Variants in KERA observed in about 807,000 individuals in gnomAD.
KERA encodes keratocan, also known as keratan sulfate proteoglycan keratocan.
In KERA, 25 loss-of-function variants were observed where a neutral mutation model predicts 26.4. That is an observed-to-expected ratio of 0.95 (90% CI 0.69 to 1.32). The LOEUF (loss-of-function observed/expected upper bound fraction) is 1.32. Among genes scored for constraint, KERA ranks in the 40% most tolerant of loss-of-function variants. The probability of loss-of-function intolerance (pLI) is 0.00; values close to 1 mark genes in which losing one functional copy is unlikely to be tolerated. For missense variants in KERA, 434 were observed against 408.9 expected, an observed-to-expected ratio of 1.06 and a Z score of -0.53; for synonymous variants, 167 against 146.1, an observed-to-expected ratio of 1.14 and a Z score of -1.03.
Position 91,051,406 on chromosome 12 carries a change from T to C in KERA, c.999A>G (p.Lys333=). ...RYLRLDGNEI[K]PPIPMALMTC... is the part of the protein sequence containing the mutation. ...TCATTAAAGCCATTGGAATTGGTGG[T>C]TTGATTTCATTTCCATCCAGACGGA... The change falls in exon 3 of 3, where the codon AAA becomes AAG. Residue 333 remains lysine, a synonymous_variant. Transcript: ENST00000266719. The C allele has an allele frequency of 6.2e-7, 1 of 1,611,380 alleles. No individual in the cohort carries two copies. The highest frequency in any genetic ancestry group is 8.5e-7 in the Non-Finnish European group (1 of 1,178,196).
At chr12:91,057,390 A>G (rs1181003812) in intron 1 of KERA, among the ~76,000 whole-genome samples, 2 of 141,864 alleles carry the variant, frequency 1.4e-5, no homozygotes, top group Admixed American at 1.4e-4. Context: ...ATATATATAT[A>G]TATCAGTAAC....
intron 2 of KERA, among the ~76,000 whole-genome samples, chr12:91,052,989 T>G (rs2120955550): frequency 6.6e-6 from 1 of 151,644 alleles, no homozygotes; most frequent in South Asian, 2.1e-4. Flanking sequence ...TTACCTAATC[T>G]TAAATCCCTG....
chr12:91,055,123 G>C (rs1878958639), intron 2 of KERA, among the ~76,000 whole-genome samples: 1 of 151,130 alleles, frequency 6.6e-6, no homozygotes, highest in South Asian at 2.1e-4. Flanking sequence ...AGTAAAAGAA[G>C]ATAGAGGCAT....
rs1341418310 is a variant in KERA, at chr12:91,055,823, C to G, written c.459G>C (p.Lys153Asn). 1.9e-6 allele frequency: 3 copies of G among 1,611,292 alleles called. No homozygotes were observed. Among genetic ancestry groups the G allele is most frequent in the Non-Finnish European group, 1.7e-6 (2 of 1,178,218 alleles). Residue 153 changes from lysine to asparagine, a missense_variant, in exon 2 of 3, where the codon AAG (lysine) becomes AAC (asparagine). Transcript: ENST00000266719. ...AGGTCCCTTGAGGAATTCTGGACAC[C>G]TTATTTCTAGCTAATTGTAATTGTT... is the stretch of plus-strand genomic sequence containing the variant. ...SLEQLQLARN[K>N]VSRIPQGTFS...
chr12:91,051,847 T>G (rs1878875559), intron 2 of KERA, among the ~76,000 whole-genome samples: 2 of 151,494 alleles, frequency 1.3e-5, no homozygotes. Context: ...TAAAGCACAT[T>G]TAGATTGCTG....
In KERA at chr12:91,051,458, A is replaced by G. The variant is rs369122849; in HGVS notation, c.947T>C (p.Phe316Ser). Residue 316 changes from phenylalanine (F) to serine (S), a missense_variant, in exon 3 of 3, where the codon TTC becomes TCC. Physicochemically the swap from Phe to Ser is radical, Grantham distance 155. Transcript: ENST00000266719. Reference sequence around the variant, plus strand: ...GTAGCGAAGATGAGGTCCATAACTGAAGGAATCTCGTTCTGCAGGCAGCAT... The same window carrying G: ...GTAGCGAAGATGAGGTCCATAACTGGAGGAATCTCGTTCTGCAGGCAGCAT... ...PSMLPAERDS[F>S]SYGPHLRYLR... is the part of the protein sequence containing the mutation. The G allele has an allele frequency of 2.0e-5, 33 of 1,610,854 alleles. No individual in the cohort carries two copies. Among genetic ancestry groups the G allele is most frequent in the Non-Finnish European group, 2.8e-5 (33 of 1,177,888 alleles).
rs1465915006 is a variant in KERA, at chr12:91,055,882, C to A, written c.400G>T (p.Glu134Ter). ...CTTGGCAATGGAGAAGGTACCTCCT[C>A]TAGCTCATTATCTTCCAGAAATAAG... is the stretch of plus-strand genomic sequence containing the variant. ...LFLFLEDNEL[E>*]EVPSPLPRSL... The change falls in exon 2 of 3, where the codon GAG (glutamate) becomes TAG (stop). Residue 134 changes from glutamate (E) to a stop codon, truncating the protein, a stop_gained. Coordinates refer to ENST00000266719, the MANE Select transcript of KERA (RefSeq NM_007035.4). LOFTEE classifies it high-confidence loss of function. 2.5e-6 allele frequency: 4 copies of A among 1,611,302 alleles called. No individual in the cohort carries two copies. In the South Asian group the frequency reaches 4.4e-5, roughly 18 times the overall value.
Position 91,055,939 on chromosome 12 carries a change from C to T in KERA, c.343G>A (p.Gly115Arg), listed in dbSNP as rs1274533478. The change falls in exon 2 of 3, where the codon GGA (glycine) becomes AGA (arginine). Residue 115 changes from glycine to arginine, a missense_variant. Physicochemically the swap from Gly to Arg is moderately radical, Grantham distance 125. Coordinates refer to ENST00000266719, the MANE Select transcript of KERA (RefSeq NM_007035.4). ...AACTTCTTCAGCTGGCTTAGGGCTC[C>T]TTTTTCAATTCCGTAGTTGGTTATT... is the stretch of plus-strand genomic sequence containing the variant. ...NKITNYGIEK[G>R]ALSQLKKLLF... 1.9e-6 allele frequency: 3 copies of T among 1,611,132 alleles called. No individual in the cohort carries two copies. Among genetic ancestry groups the T allele is most frequent in the African/African-American group, 1.3e-5 (1 of 74,734 alleles).
chr12:91,054,886 C>A (rs551218909), intron 2 of KERA, among the ~76,000 whole-genome samples: 3 of 151,318 alleles, frequency 2.0e-5, no homozygotes, highest in Admixed American at 6.6e-5. Context: ...GAGTCACCAG[C>A]CTTTACACAC....
At chr12:91,055,285 A>G (rs1878963589) in intron 2 of KERA, 111 bp downstream of exon 2, 1 of 966,882 alleles carries the variant, frequency 1.0e-6, no homozygotes, top group Admixed American at 2.1e-5. Context: ...AAAAATCTAA[A>G]GGAACATTAG....
intron 2 of KERA, 146 bp downstream of exon 2, chr12:91,055,250 T>G (rs984256851): frequency 1.3e-6 from 1 of 749,608 alleles, no homozygotes; most frequent in African/African-American, 1.8e-5. Flanking sequence ...AGACAAAATT[T>G]AATACTGAAA....
rs1565745934 is a variant in KERA at position 91,056,290 on chromosome 12, C to T, written c.-8-1G>A. On this transcript the variant is annotated splice_acceptor_variant, in intron 1 of 2. Transcript: ENST00000266719. LOFTEE classifies it low-confidence loss of function (5UTR_SPLICE). ...CAGATTGTGCCTGCCATTATAGCACCTACAGAAAAAGGAACACAACTGTTA... is the reference window on the plus strand; with the variant it reads ...CAGATTGTGCCTGCCATTATAGCACTTACAGAAAAAGGAACACAACTGTTA... 6.2e-7 allele frequency: 1 copy of T among 1,606,570 alleles called. No homozygotes were observed. The highest frequency in any genetic ancestry group is 8.5e-7 in the Non-Finnish European group (1 of 1,175,390).
At position 91,055,667 on chromosome 12, in the gene KERA, C is replaced by T. The variant is rs747616158; in HGVS notation, c.615G>A (p.Arg205=). 59 of 1,611,288 alleles carry T rather than the reference C, an allele frequency of 3.7e-5. No homozygotes were observed. In the Admixed American group the frequency reaches 9.7e-4, roughly 27 times the overall value. ...TGGCTGGTAATCTTGGAGGCATATT[C>T]CTCAGGGCATTCTTGGCCATGTTTA... is the stretch of plus-strand genomic sequence containing the variant. The part of the protein sequence containing the change: ...MQLNMAKNAL[R]NMPPRLPANT... Residue 205 remains arginine (R), a synonymous_variant, in exon 2 of 3, where the codon AGG becomes AGA. Transcript: ENST00000266719.
Position 91,055,380 on chromosome 12 carries a change from T to C in KERA, c.886+16A>G, listed in dbSNP as rs767938479. ...ATGAGCCCTTTAGTCAAAGACATACTCTGCAGGTTACTTACTTTTAATTTT... is the reference window on the plus strand; with the variant it reads ...ATGAGCCCTTTAGTCAAAGACATACCCTGCAGGTTACTTACTTTTAATTTT... On this transcript the variant is annotated intron_variant, in intron 2 of 2. Coordinates refer to ENST00000266719, the MANE Select transcript of KERA (RefSeq NM_007035.4). The C allele has an allele frequency of 9.3e-6, 15 of 1,605,754 alleles. No individual in the cohort carries two copies. Among genetic ancestry groups the C allele is most frequent in the Non-Finnish European group, 1.3e-5 (15 of 1,173,532 alleles).
In KERA at chr12:91,051,057, C is replaced by T. The variant is rs758750807; in HGVS notation, c.*289G>A. On this transcript the variant is annotated 3_prime_UTR_variant, in exon 3 of 3. Coordinates refer to ENST00000266719, the MANE Select transcript of KERA (RefSeq NM_007035.4). ...TATTGTATAAGAATGTAATTGTTTT[C>T]TTTAGTGTTAATAAGCTATGGAAGA... is the stretch of plus-strand genomic sequence containing the variant. 1.8e-5 allele frequency: 6 copies of T among 332,756 alleles called. No individual in the cohort carries two copies. The highest frequency in any genetic ancestry group is 3.4e-5 in the Non-Finnish European group (6 of 174,166). The allele number at this position is 332,756 out of a possible 1,614,324, so 20.6% of individuals were successfully genotyped here. A position where few individuals can be genotyped will look rare whatever the true frequency, so the allele number is the denominator to read the frequency against.
chr12:91,050,548 T>C lies in KERA; in HGVS notation c.*798A>G, dbSNP rs1312328538. 2.0e-5 allele frequency: 3 copies of C among 152,078 alleles called. No individual in the cohort carries two copies. In the Admixed American group the frequency reaches 2.0e-4, roughly 10 times the overall value. The allele number at this position is 152,078 out of a possible 1,614,324, so 9.4% of individuals were successfully genotyped here. ...GCTAATTTCTTTGAAATATTCTGTT[T>C]TGTTAGAAAGCATTCAATATTTTTA... On this transcript the variant is annotated 3_prime_UTR_variant, in exon 3 of 3. Transcript: ENST00000266719.
rs569911279 is a variant in KERA at position 91,055,541 on chromosome 12, G to T, written c.741C>A (p.Asn247Lys). The change falls in exon 2 of 3, where the codon AAC becomes AAA. Residue 247 changes from asparagine to lysine, a missense_variant. By Grantham distance (94) the Asn-to-Lys change is moderately conservative. Coordinates refer to ENST00000266719, the MANE Select transcript of KERA (RefSeq NM_007035.4). ...PKVAFLRLNH[N>K]KLSDEGLPSR... ...ATGGGAGACCCTCATCTGACAGTTT[G>T]TTGTGATTTAGTCTCAAAAAGGCCA... The T allele has an allele frequency of 1.2e-6, 2 of 1,610,446 alleles. No individual in the cohort carries two copies. The highest frequency in any genetic ancestry group is 1.7e-6 in the Non-Finnish European group (2 of 1,177,742).
chr12:91,052,207 G>A (rs1047743837), intron 2 of KERA, among the ~76,000 whole-genome samples: 1 of 151,538 alleles, frequency 6.6e-6, no homozygotes, highest in East Asian at 1.9e-4. Context: ...CATATGGTTA[G>A]GATGGGAGTA....
Position 91,051,498 on chromosome 12 carries a change from A to G in KERA, c.907T>C (p.Cys303Arg), listed in dbSNP as rs766704375. The part of the protein sequence containing the change: ...KIKSVNVSVI[C>R]PSPSMLPAER... The stretch of plus-strand genomic sequence containing the variant: ...GCAGGCAGCATGGATGGGCTGGGAC[A>G]TATTACAGAGACATTCACACCTACA... The change falls in exon 3 of 3, where the codon TGT (cysteine) becomes CGT (arginine). Residue 303 changes from cysteine (C) to arginine (R), a missense_variant. Physicochemically the swap from Cys to Arg is radical, Grantham distance 180. Transcript: ENST00000266719. The G allele has an allele frequency of 1.1e-5, 17 of 1,609,686 alleles. No individual in the cohort carries two copies. In the African/African-American group the frequency reaches 1.1e-4, roughly 10 times the overall value.
Sources: gnomAD v4.1 joint callset for allele counts (sites outside exome capture counted in the v4.1 genomes callset) on GRCh38, gnomAD v4.1.1 for gene constraint, MANE v1.5 for transcripts, NCBI Gene and HGNC (gene_info 2026-07-23, HGNC 2026-07-21) for gene names.